The following ACTR3C variants were observed in gnomAD, a reference collection of about 807,000 sequenced individuals.
ACTR3C encodes the protein actin related protein 3C.
ACTR3C carries 18 observed loss-of-function variants against 26.3 expected under a neutral mutation model. The observed-to-expected ratio is 0.68, with a 90% CI of 0.47 to 1.01. The LOEUF (loss-of-function observed/expected upper bound fraction) is 1.01, where lower values mean the gene tolerates loss of function less well. Among genes scored for constraint, ACTR3C ranks in the 50% least tolerant of loss-of-function variants. ACTR3C has a pLI of 0.00. For synonymous variants in ACTR3C, 55 were observed against 94.5 expected (o/e 0.58, Z 2.42); for missense variants, 184 against 250.7 (o/e 0.73, Z 1.80).
chr7:149,987,577 A>G, the ACTR3C span, among the ~76,000 whole-genome samples: 4 of 128,136 alleles, frequency 3.1e-5, no homozygotes, highest in East Asian at 8.9e-4. Context: ...AAAAGAAAAA[A>G]TAAAAAATAA....
the ACTR3C span, among the ~76,000 whole-genome samples, chr7:149,957,977 CCGACAT>C: frequency 6.6e-6 from 1 of 152,194 alleles, no homozygotes; most frequent in Non-Finnish European, 1.5e-5. Context: ...TCTCCAGCAA[CCGACAT>C]GTTTCCTTGT....
chr7:150,232,727 G>A, the ACTR3C span, among the ~76,000 whole-genome samples: 2 of 148,978 alleles, frequency 1.3e-5, no homozygotes, highest in African/African-American at 2.6e-5. Flanking sequence ...GGAGGCTGAG[G>A]CAGGAGAATC....
the ACTR3C span, among the ~76,000 whole-genome samples, chr7:150,168,726 AG>A: frequency 2.7e-5 from 4 of 150,714 alleles, no homozygotes; most frequent in Non-Finnish European, 5.9e-5. Flanking sequence ...CTCGTAGCCA[AG>A]GGCCTCAGTG....
downstream of ACTR3C, among the ~76,000 whole-genome samples, chr7:150,239,704 T>TAGA (rs1203357376): frequency 6.7e-6 from 1 of 149,986 alleles, no homozygotes; most frequent in Non-Finnish European, 1.5e-5. Flanking sequence ...AATTACATTC[T>TAGA]ACAGCTTCAT....
chr7:150,148,441 G>C, the ACTR3C span, among the ~76,000 whole-genome samples: 2 of 151,954 alleles, frequency 1.3e-5, no homozygotes, highest in African/African-American at 2.4e-5. Flanking sequence ...CACACCACTG[G>C]ACTCCAGCCT....
chr7:149,885,293 A>G, the ACTR3C span, among the ~76,000 whole-genome samples: 1 of 152,190 alleles, frequency 6.6e-6, no homozygotes, highest in African/African-American at 2.4e-5. Flanking sequence ...AGGGGAGCCG[A>G]GTGCCTTCAG....
At chr7:150,113,472 G>A in the ACTR3C span, among the ~76,000 whole-genome samples, 3 of 152,118 alleles carry the variant, frequency 2.0e-5, no homozygotes, top group Non-Finnish European at 4.4e-5. Context: ...GGGGAGTCTG[G>A]GAGCCAGTGA....
chr7:150,196,278 T>G, the ACTR3C span, among the ~76,000 whole-genome samples: 1 of 152,264 alleles, frequency 6.6e-6, no homozygotes, highest in South Asian at 2.1e-4. Flanking sequence ...CCATAACTCA[T>G]GGATGCTCTG....
At chr7:150,023,201 ATATATCTC>A in the ACTR3C span, among the ~76,000 whole-genome samples, 48 of 144,834 alleles carry the variant, frequency 3.3e-4, no homozygotes, top group East Asian at 5.5e-3. Flanking sequence ...AGATATCTAT[ATATATCTC>A]TATATCTCTA....
the ACTR3C span, among the ~76,000 whole-genome samples, chr7:150,069,890 G>A: frequency 7.2e-5 from 11 of 152,218 alleles, no homozygotes; most frequent in East Asian, 1.9e-3. Flanking sequence ...AGGGACTTCT[G>A]CGGGGAAGGT....
the ACTR3C span, among the ~76,000 whole-genome samples, chr7:150,063,792 T>G: frequency 6.6e-6 from 1 of 152,212 alleles, no homozygotes; most frequent in Non-Finnish European, 1.5e-5. Flanking sequence ...CTGCTGGGTC[T>G]GTAGATGCCA....
chr7:149,901,609 A>G, the ACTR3C span, among the ~76,000 whole-genome samples: 1 of 152,134 alleles, frequency 6.6e-6, no homozygotes, highest in East Asian at 1.9e-4. Flanking sequence ...CAAAACTAAT[A>G]AGATTAAACT....
At chr7:150,300,075 G>A (rs1411945565) in intron 1 of ACTR3C, among the ~76,000 whole-genome samples, 6 of 151,990 alleles carry the variant, frequency 3.9e-5, no homozygotes, top group Non-Finnish European at 7.4e-5. Flanking sequence ...TGTGCTAGCC[G>A]GGCGCAATGG....
At chr7:149,986,428 T>C in the ACTR3C span, among the ~76,000 whole-genome samples, 1 of 152,212 alleles carries the variant, frequency 6.6e-6, no homozygotes, top group African/African-American at 2.4e-5. Flanking sequence ...GCGAGGTAAG[T>C]ACCAGATTCC....
the ACTR3C span, among the ~76,000 whole-genome samples, chr7:149,912,202 C>G: frequency 6.6e-6 from 1 of 151,392 alleles, no homozygotes; most frequent in African/African-American, 2.4e-5. Flanking sequence ...AACTATGCCT[C>G]ATTTCCATCC....
chr7:150,254,424 A>G (rs1484000795), intron 6 of ACTR3C, among the ~76,000 whole-genome samples: 1 of 152,148 alleles, frequency 6.6e-6, no homozygotes, highest in Non-Finnish European at 1.5e-5. Flanking sequence ...TCTTTTAAAT[A>G]AACATAAAAA....
the ACTR3C span, among the ~76,000 whole-genome samples, chr7:150,182,626 C>T: frequency 2.8e-4 from 42 of 150,714 alleles, 1 homozygote; most frequent in South Asian, 8.3e-4. Flanking sequence ...TTACAGATGG[C>T]GATTTTTATG....
the ACTR3C span, among the ~76,000 whole-genome samples, chr7:150,206,001 G>A: frequency 2.6e-5 from 4 of 152,086 alleles, no homozygotes; most frequent in African/African-American, 9.7e-5. Flanking sequence ...TTACGTAATG[G>A]TACATTTCAG....
rs184848249 is a variant in ACTR3C, at chr7:150,305,463, T to C, written c.-51-10116A>G. Among the ~76,000 whole-genome samples, 585 of 152,192 alleles carry C rather than the reference T, an allele frequency of 3.8e-3. 6 individuals carry two copies. The highest frequency in any genetic ancestry group is 0.014 in the African/African-American group (562 of 41,516). On this transcript the variant is annotated intron_variant, in intron 1 of 7. Transcript: ENST00000683684. ...GCCACGTGGCTCTCACTGTCTACAC[T>C]GTGCAAAGGCTGCCTGACCTCCTCT...
Sources: allele counts gnomAD v4.1 joint callset (sites outside exome capture counted in the v4.1 genomes callset), GRCh38; gene constraint gnomAD v4.1.1; transcripts MANE v1.5; gene names NCBI Gene and HGNC (gene_info 2026-07-23, HGNC 2026-07-21).